Variants in CTDSPL observed in about 807,000 individuals in gnomAD.
The protein encoded by CTDSPL is CTD small phosphatase like.
A neutral mutation model predicts 30.5 loss-of-function variants in CTDSPL; 8 were observed. The ratio of observed to expected loss-of-function variants is 0.26; its 90% CI spans 0.15 to 0.47. The LOEUF is 0.47. CTDSPL is among the 20% of genes least tolerant of loss of function. CTDSPL has a pLI of 0.99. For synonymous variants in CTDSPL, 110 were observed against 137.9 expected (o/e 0.80, Z 1.42); for missense variants, 248 against 366.1 (o/e 0.68, Z 2.63).
At position 37,927,380 on chromosome 3, in the gene CTDSPL, G is replaced by T. The variant is rs562515046; in HGVS notation, c.80-19677G>T. On this transcript the variant is annotated intron_variant, in intron 1 of 7. Coordinates refer to ENST00000273179, the MANE Select transcript of CTDSPL (RefSeq NM_001008392.2). ...GAAATATAAATGAATTTTATGTTTA[G>T]ATTTGGGTCCTATCCCCCAGATAAC... Among the ~76,000 whole-genome samples the T allele has an allele frequency of 8.7e-4, 133 of 152,168 alleles. 1 individual carries two copies. Among genetic ancestry groups the T allele is most frequent in the African/African-American group, 3.1e-3 (128 of 41,508 alleles).
At chr3:37,940,669 T>A (rs1052257179) in intron 1 of CTDSPL, among the ~76,000 whole-genome samples, 4 of 150,356 alleles carry the variant, frequency 2.7e-5, no homozygotes, top group Non-Finnish European at 6.0e-5. Flanking sequence ...CCAGGGTGGG[T>A]CACGTGCCCA....
chr3:37,899,885 C>G (rs1379426327), intron 1 of CTDSPL, among the ~76,000 whole-genome samples: 1 of 152,182 alleles, frequency 6.6e-6, no homozygotes, highest in Non-Finnish European at 1.5e-5. Context: ...GTTAACTTCT[C>G]TGGGTCTCAG....
intron 3 of CTDSPL, among the ~76,000 whole-genome samples, chr3:37,959,969 C>G (rs979933048): frequency 7.5e-6 from 1 of 133,494 alleles, no homozygotes; most frequent in Non-Finnish European, 1.7e-5. Context: ...TTGGAGAGGC[C>G]GAGGAGGGCA....
intron 7 of CTDSPL, among the ~76,000 whole-genome samples, chr3:37,979,300 TAAAAAAAA>T (rs781634182): frequency 7.2e-6 from 1 of 138,868 alleles, no homozygotes; most frequent in Non-Finnish European, 1.5e-5. Flanking sequence ...CTGTCGCTAC[TAAAAAAAA>T]AAGAAAAAAA....
chr3:37,967,994 A>G lies in CTDSPL; in HGVS notation c.426+112A>G, dbSNP rs1487697722. 4.4e-5 allele frequency: 32 copies of G among 725,992 alleles called. No homozygotes were observed. The East Asian group carries it at 8.6e-4, about 20-fold the overall frequency. 45.0% of individuals were successfully genotyped at this position (725,992 alleles called of 1,614,324 possible). A position where few individuals can be genotyped will look rare whatever the true frequency, so the allele number is the denominator to read the frequency against. On this transcript the variant is annotated intron_variant, in intron 5 of 7. Coordinates refer to ENST00000273179, the MANE Select transcript of CTDSPL (RefSeq NM_001008392.2). ...CAGTAATAACTTTATTACGGAATCA[A>G]AAGGAAGCATACTGTAATAAATACA... is the stretch of plus-strand genomic sequence containing the variant.
In CTDSPL at chr3:37,925,965, G is replaced by A. The variant is rs372879652; in HGVS notation, c.80-21092G>A. Among the ~76,000 whole-genome samples, 11 of 152,072 alleles carry A rather than the reference G, an allele frequency of 7.2e-5. 1 individual carries two copies. The South Asian group carries it at 1.9e-3, about 26-fold the overall frequency. On this transcript the variant is annotated intron_variant, in intron 1 of 7. Coordinates refer to ENST00000273179, the MANE Select transcript of CTDSPL (RefSeq NM_001008392.2). ...GTTTATTTATTGTGTCTCTCTTCCCGCTGGAATCTAAGCTCAATAAGGGCA... is the reference window on the plus strand; with the variant it reads ...GTTTATTTATTGTGTCTCTCTTCCCACTGGAATCTAAGCTCAATAAGGGCA...
intron 1 of CTDSPL, among the ~76,000 whole-genome samples, chr3:37,920,558 G>C (rs759984708): frequency 5.9e-5 from 9 of 152,228 alleles, no homozygotes; most frequent in African/African-American, 1.4e-4. Context: ...CAGAGGCCCT[G>C]CCAGGTGCCC....
chr3:37,881,459 G>A (rs781398083), intron 1 of CTDSPL, among the ~76,000 whole-genome samples: 5 of 152,182 alleles, frequency 3.3e-5, no homozygotes, highest in South Asian at 2.1e-4. Context: ...AATGCAGCAG[G>A]TGGAAGTTGC....
At chr3:37,869,249 C>A (rs112594536) in intron 1 of CTDSPL, among the ~76,000 whole-genome samples, 6,189 of 152,176 alleles carry the variant, frequency 0.041, 173 homozygotes, top group Middle Eastern at 0.058. Flanking sequence ...GCATATCCAT[C>A]ATCTCAAACA....
rs190473008 is a variant in CTDSPL, at chr3:37,916,447, G to A, written c.80-30610G>A. On this transcript the variant is annotated intron_variant, in intron 1 of 7. Transcript: ENST00000273179. ...TATTTGGAAATAGGTCGTTGCAAAT[G>A]TAAGTAGTTAAGGTAAGGTCGTACT... Among the ~76,000 whole-genome samples, 279 of 152,290 alleles carry A rather than the reference G, an allele frequency of 1.8e-3. 2 individuals carry two copies. Among genetic ancestry groups the A allele is most frequent in the African/African-American group, 6.5e-3 (268 of 41,550 alleles).
In CTDSPL at chr3:37,983,383, TGTTTGGG is replaced by T. The variant is rs1235346610; in HGVS notation, c.*2521_*2527del. 6.6e-6 allele frequency: 1 copy of T among 152,544 alleles called. No homozygotes were observed. Among genetic ancestry groups the T allele is most frequent in the East Asian group, 1.9e-4 (1 of 5,200 alleles). 9.4% of individuals were successfully genotyped at this position (152,544 alleles called of 1,614,324 possible). ...ACATAAGGCCAAGAAATGAGACGAA[TGTTTGGG>T]GTTTATGTTTTTTAAGGTAAATACG... On this transcript the variant is annotated 3_prime_UTR_variant, in exon 8 of 8. Transcript: ENST00000273179.
chr3:37,942,182 A>G (rs1020956962), intron 1 of CTDSPL, among the ~76,000 whole-genome samples: 2 of 150,354 alleles, frequency 1.3e-5, no homozygotes, highest in Admixed American at 1.3e-4. Flanking sequence ...TTTCTGAATT[A>G]CAGTTTATGT....
In CTDSPL at chr3:37,984,155, G is replaced by A. The variant is rs1417088961; in HGVS notation, c.*3288G>A. On this transcript the variant is annotated 3_prime_UTR_variant, in exon 8 of 8. Coordinates refer to ENST00000273179, the MANE Select transcript of CTDSPL (RefSeq NM_001008392.2). ...GTTCGAGAAGAGTGAATGGCTTGAC[G>A]TACTTGCAGTTAACTGTGCAAAATT... 7 of 452,948 alleles carry A rather than the reference G, an allele frequency of 1.5e-5. No individual in the cohort carries two copies. Among genetic ancestry groups the A allele is most frequent in the Non-Finnish European group, 3.1e-5 (7 of 223,810 alleles). 28.1% of individuals were successfully genotyped at this position (452,948 alleles called of 1,614,324 possible). A position where few individuals can be genotyped will look rare whatever the true frequency, so the allele number is the denominator to read the frequency against.
chr3:37,962,500 C>T (rs769772518), intron 3 of CTDSPL, among the ~76,000 whole-genome samples: 52 of 152,168 alleles, frequency 3.4e-4, no homozygotes, highest in Non-Finnish European at 6.2e-4. Context: ...TAACTTTTCT[C>T]TCTTAGATTG....
At chr3:37,960,541 C>T (rs1265175513) in intron 3 of CTDSPL, among the ~76,000 whole-genome samples, 42 of 78,624 alleles carry the variant, frequency 5.3e-4, no homozygotes, top group African/African-American at 1.7e-3. Context: ...TATATACACA[C>T]ACACACACAC....
intron 2 of CTDSPL, among the ~76,000 whole-genome samples, chr3:37,950,032 C>T (rs1483938768): frequency 6.6e-6 from 1 of 152,238 alleles, no homozygotes; most frequent in Non-Finnish European, 1.5e-5. Context: ...TGGCGGATCG[C>T]CTTGGAAAGA....
At chr3:37,960,520 A>G (rs1271045437) in intron 3 of CTDSPL, among the ~76,000 whole-genome samples, 1 of 60,078 alleles carries the variant, frequency 1.7e-5, no homozygotes, top group Non-Finnish European at 3.2e-5. Context: ...ATATATATAT[A>G]TATATATATA....
intron 1 of CTDSPL, among the ~76,000 whole-genome samples, chr3:37,930,439 T>C (rs1575303997): frequency 6.6e-6 from 1 of 151,968 alleles, no homozygotes; most frequent in East Asian, 1.9e-4. Context: ...TTTTTTCTTT[T>C]CCTTTTTCTT....
intron 2 of CTDSPL, among the ~76,000 whole-genome samples, chr3:37,950,423 A>G (rs547478873): frequency 2.2e-4 from 33 of 152,376 alleles, no homozygotes; most frequent in African/African-American, 7.5e-4. Flanking sequence ...CAGGAAATGA[A>G]GTATAAGTAC....
Sources: allele counts gnomAD v4.1 joint callset (sites outside exome capture counted in the v4.1 genomes callset), GRCh38; gene constraint gnomAD v4.1.1; transcripts MANE v1.5; gene names NCBI Gene and HGNC (gene_info 2026-07-23, HGNC 2026-07-21).